Variants in ITSN1 observed in about 807,000 individuals in gnomAD.
The protein encoded by ITSN1 is intersectin 1, also known as intersectin-1.
In ITSN1, 58 loss-of-function variants were observed where a neutral mutation model predicts 239.8. The observed-to-expected ratio is 0.24, with a 90% CI of 0.20 to 0.30. The LOEUF (loss-of-function observed/expected upper bound fraction) is 0.30. Among genes scored for constraint, ITSN1 ranks in the 10% least tolerant of loss-of-function variants. The pLI, the probability that ITSN1 is intolerant of heterozygous loss-of-function variation, is 1.00. For synonymous variants in ITSN1, 780 were observed against 770.8 expected, an observed-to-expected ratio of 1.01 and a Z score of -0.20; for missense variants, 1,558 against 2,103.3, an observed-to-expected ratio of 0.74 and a Z score of 5.07.
chr21:33,847,157 T>C (rs897936640), intron 29 of ITSN1, among the ~76,000 whole-genome samples: 1 of 152,148 alleles, frequency 6.6e-6, no homozygotes, highest in Non-Finnish European at 1.5e-5. Context: ...CTGAAGAAAG[T>C]TCCATTGAGA....
At chr21:33,721,725 C>T (rs995706492) in intron 3 of ITSN1, among the ~76,000 whole-genome samples, 6 of 151,270 alleles carry the variant, frequency 4.0e-5, no homozygotes, top group South Asian at 2.1e-4. Flanking sequence ...ACCCTAGAGG[C>T]AGAGGTTGCA....
At chr21:33,780,609 G>A (rs1379118855) in intron 14 of ITSN1, among the ~76,000 whole-genome samples, 1 of 152,128 alleles carries the variant, frequency 6.6e-6, no homozygotes, top group African/African-American at 2.4e-5. Flanking sequence ...TTCCAAAATG[G>A]ACTGGTTTTT....
At chr21:33,802,361 T>C in intron 19 of ITSN1, 69 bp from the exon 20 acceptor site, 1 of 1,484,632 alleles carries the variant, frequency 6.7e-7, no homozygotes, top group Non-Finnish European at 9.4e-7. Context: ...TTAGATATGC[T>C]GTAAGAATAA....
chr21:33,655,389 A>T (rs1601455227), intron 1 of ITSN1, among the ~76,000 whole-genome samples: 1 of 152,178 alleles, frequency 6.6e-6, no homozygotes, highest in East Asian at 1.9e-4. Flanking sequence ...GGTGAGTCTG[A>T]ATTCTGTTCA....
At position 33,886,420 on chromosome 21, in the gene ITSN1, C is replaced by T. The variant is rs1985809105; in HGVS notation, c.4977C>T (p.Leu1659=). The T allele has an allele frequency of 6.2e-7, 1 of 1,611,644 alleles. No homozygotes were observed. The highest frequency in any genetic ancestry group is 8.5e-7 in the Non-Finnish European group (1 of 1,178,808). Residue 1659 remains leucine (L), a synonymous_variant, in exon 39 of 40, where the codon CTC becomes CTT. Coordinates refer to ENST00000381318, the MANE Select transcript of ITSN1 (RefSeq NM_003024.3). ...FFIRDLEQEV[L]CITVFERDQF... ...TCCGAGACCTGGAGCAGGAAGTCCTCTGCATCACTGTGTTCGAGAGGGACC... is the reference window on the plus strand; with the variant it reads ...TCCGAGACCTGGAGCAGGAAGTCCTTTGCATCACTGTGTTCGAGAGGGACC...
At chr21:33,755,553 C>CT (rs1306704280) in intron 8 of ITSN1, among the ~76,000 whole-genome samples, 156 bp downstream of exon 8, 2 of 152,196 alleles carry the variant, frequency 1.3e-5, no homozygotes, top group African/African-American at 4.8e-5. Context: ...ACTGATAACT[C>CT]TTTACATAGT....
intron 1 of ITSN1, among the ~76,000 whole-genome samples, chr21:33,700,900 G>A (rs1310432568): frequency 1.3e-5 from 2 of 151,386 alleles, no homozygotes; most frequent in Non-Finnish European, 2.9e-5. Flanking sequence ...TTAGAAATTT[G>A]CTGATTATCT....
At chr21:33,810,596 A>G (rs2072831087) in intron 20 of ITSN1, among the ~76,000 whole-genome samples, 1 of 152,162 alleles carries the variant, frequency 6.6e-6, no homozygotes, top group Non-Finnish European at 1.5e-5. Context: ...TTTCAACTTT[A>G]AGTAATAAAC....
In ITSN1 at chr21:33,844,908, T is replaced by C. The variant is rs577739217; in HGVS notation, c.3661+8276T>C. 6.0e-4 allele frequency among the ~76,000 whole-genome samples: 92 copies of C among 152,084 alleles called. 1 individual carries two copies. The highest frequency in any genetic ancestry group is 3.7e-3 in the South Asian group (18 of 4,804). ...TAGGGGGCAGAAGCACATCTGCCCG[T>C]CCTGTCCGCCTCCCCTTCCATCCTG... is the stretch of plus-strand genomic sequence containing the variant. On this transcript the variant is annotated intron_variant, in intron 29 of 39. Coordinates refer to ENST00000381318, the MANE Select transcript of ITSN1 (RefSeq NM_003024.3).
chr21:33,651,325 G>A (rs895644427), intron 1 of ITSN1, among the ~76,000 whole-genome samples: 4 of 152,232 alleles, frequency 2.6e-5, no homozygotes, highest in African/African-American at 9.6e-5. Context: ...CTCCTTCTGA[G>A]TATCATGTGG....
intron 1 of ITSN1, among the ~76,000 whole-genome samples, chr21:33,709,772 A>G (rs567244043): frequency 6.6e-6 from 1 of 152,160 alleles, no homozygotes; most frequent in South Asian, 2.1e-4. Flanking sequence ...TGTTTTCTAG[A>G]TTCTCTGGGA....
At chr21:33,787,184 G>A (rs1041299175) in intron 16 of ITSN1, among the ~76,000 whole-genome samples, 3 of 152,158 alleles carry the variant, frequency 2.0e-5, no homozygotes, top group Non-Finnish European at 4.4e-5. Context: ...CTGTAGTCTT[G>A]TCTTTTTAAC....
chr21:33,749,452 G>C (rs2067403799), intron 5 of ITSN1, among the ~76,000 whole-genome samples: 1 of 152,048 alleles, frequency 6.6e-6, no homozygotes, highest in Non-Finnish European at 1.5e-5. Flanking sequence ...AGACCATCCT[G>C]GCCAACATGG....
chr21:33,699,164 C>T (rs1029065032), intron 1 of ITSN1, among the ~76,000 whole-genome samples: 4 of 152,026 alleles, frequency 2.6e-5, no homozygotes, highest in African/African-American at 4.8e-5. Context: ...TTATGTTTCT[C>T]CCACATTTGG....
chr21:33,841,504 C>G (rs1172997981), intron 29 of ITSN1, among the ~76,000 whole-genome samples: 3 of 152,190 alleles, frequency 2.0e-5, no homozygotes, highest in Non-Finnish European at 4.4e-5. Flanking sequence ...CATGCTGTCT[C>G]TCCAGTTTCC....
intron 14 of ITSN1, among the ~76,000 whole-genome samples, chr21:33,779,111 A>ATT (rs1214322125): frequency 1.7e-5 from 2 of 117,618 alleles, no homozygotes; most frequent in African/African-American, 6.2e-5. Flanking sequence ...GGCTCTATTG[A>ATT]TTTTTTTTTT....
intron 19 of ITSN1, among the ~76,000 whole-genome samples, chr21:33,802,196 G>T (rs1192069297): frequency 6.6e-6 from 1 of 152,166 alleles, no homozygotes; most frequent in Non-Finnish European, 1.5e-5. Flanking sequence ...TATGAAATGT[G>T]ATGATGAGGA....
intron 34 of ITSN1, among the ~76,000 whole-genome samples, chr21:33,879,002 G>A (rs1370793811): frequency 6.6e-6 from 1 of 152,138 alleles, no homozygotes; most frequent in Non-Finnish European, 1.5e-5. Context: ...ACAGTTGTAC[G>A]GGGGACTCTC....
chr21:33,890,159 T>C lies in ITSN1; in HGVS notation c.*1859T>C, dbSNP rs891087514. 2.0e-5 allele frequency: 3 copies of C among 152,242 alleles called. No homozygotes were observed. The highest frequency in any genetic ancestry group is 7.2e-5 in the African/African-American group (3 of 41,466). 9.4% of individuals were successfully genotyped at this position (152,242 alleles called of 1,614,324 possible). Reference sequence around the variant, plus strand: ...GTTGTTAAGAAACTTTTAAATTAAATCTATAAATAGACATGCAACTCATGC... The same window carrying C: ...GTTGTTAAGAAACTTTTAAATTAAACCTATAAATAGACATGCAACTCATGC... On this transcript the variant is annotated 3_prime_UTR_variant, in exon 40 of 40. Transcript: ENST00000381318.
Sources: gnomAD v4.1 joint callset for allele counts (sites outside exome capture counted in the v4.1 genomes callset) on GRCh38, gnomAD v4.1.1 for gene constraint, MANE v1.5 for transcripts, NCBI Gene and HGNC (gene_info 2026-07-23, HGNC 2026-07-21) for gene names.